Variants in ZNF669 observed in about 807,000 individuals in gnomAD.
ZNF669 encodes the protein zinc finger protein 669.
A neutral mutation model predicts 11.4 loss-of-function variants in ZNF669; 7 were observed. That is an observed-to-expected ratio of 0.62 (90% CI 0.35 to 1.16). The LOEUF (loss-of-function observed/expected upper bound fraction) is 1.16. ZNF669 is among the 50% of genes most tolerant of loss of function. The pLI is 0.02. For synonymous variants in ZNF669, 153 were observed against 155.8 expected, an observed-to-expected ratio of 0.98 and a Z score of 0.13; for missense variants, 492 against 463.6, an observed-to-expected ratio of 1.06 and a Z score of -0.56.
chr1:247,104,212 C>A lies in ZNF669; in HGVS notation c.-13G>T. The A allele has an allele frequency of 6.6e-7, 1 of 1,511,508 alleles. No homozygotes were observed. 93.6% of individuals were successfully genotyped at this position (1,511,508 alleles called of 1,614,324 possible). A position where few individuals can be genotyped will look rare whatever the true frequency, so the allele number is the denominator to read the frequency against. On this transcript the variant is annotated 5_prime_UTR_variant, in exon 1 of 4. Transcript: ENST00000448299. ...GTCCACTCACCATTCCTCGGCTTCC[C>A]GGGTGTCCTGGCGTCAGCTAGGGAT...
rs114051051 is a variant in ZNF669 at position 247,104,219 on chromosome 1, C to A, written c.-20G>T. ...CACCATTCCTCGGCTTCCCGGGTGT[C>A]CTGGCGTCAGCTAGGGATGTCCCAA... On this transcript the variant is annotated 5_prime_UTR_variant, in exon 1 of 4. Transcript: ENST00000448299. 586 of 1,510,306 alleles carry A rather than the reference C, an allele frequency of 3.9e-4. 2 individuals carry two copies. In the African/African-American group the frequency reaches 6.8e-3, roughly 17 times the overall value. 93.6% of individuals were successfully genotyped at this position (1,510,306 alleles called of 1,614,324 possible).
rs756824985 is a variant in ZNF669 at position 247,100,661 on chromosome 1, C to A, written c.850G>T (p.Ala284Ser). The change falls in exon 4 of 4, where the codon GCC becomes TCC. Residue 284 changes from alanine to serine, a missense_variant. Coordinates refer to ENST00000448299, the MANE Select transcript of ZNF669 (RefSeq NM_001142572.2). ...RPYECKQCGK[A>S]FSRLSSLCNH... is the part of the protein sequence containing the mutation. ...CAAAGGGAACTCAAACGACTAAAGGCTTTGCCACATTGTTTACACTCATAG... is the reference window on the plus strand; with the variant it reads ...CAAAGGGAACTCAAACGACTAAAGGATTTGCCACATTGTTTACACTCATAG... The A allele has an allele frequency of 1.9e-6, 3 of 1,613,964 alleles. No homozygotes were observed. The East Asian group carries it at 6.7e-5, about 36-fold the overall frequency.
rs781066372 is a variant in ZNF669, at chr1:247,100,062, G to C, written c.*312C>G. ...TGCAGTGGTGCGATCTCGGCTCACT[G>C]CAAGTTCCGCCTCCCGGGTTCATGC... On this transcript the variant is annotated 3_prime_UTR_variant, in exon 4 of 4. Transcript: ENST00000448299. 5.6e-5 allele frequency: 14 copies of C among 249,092 alleles called. No homozygotes were observed. The highest frequency in any genetic ancestry group is 2.4e-4 in the East Asian group (3 of 12,476). 15.4% of individuals were successfully genotyped at this position (249,092 alleles called of 1,614,324 possible).
chr1:247,103,984 G>C (rs1671785916), intron 1 of ZNF669: 1 of 1,603,804 alleles, frequency 6.2e-7, no homozygotes, highest in East Asian at 2.3e-5. Flanking sequence ...CCGGCCGGCG[G>C]AAGTGGCGCC....
Position 247,100,274 on chromosome 1 carries a change from G to A in ZNF669, c.*100C>T, listed in dbSNP as rs572595013. 3.2e-5 allele frequency: 25 copies of A among 775,920 alleles called. No individual in the cohort carries two copies. The highest frequency in any genetic ancestry group is 3.8e-4 in the Middle Eastern group (1 of 2,640). The allele number at this position is 775,920 out of a possible 1,614,324, so 48.1% of individuals were successfully genotyped here. On this transcript the variant is annotated 3_prime_UTR_variant, in exon 4 of 4. Coordinates refer to ENST00000448299, the MANE Select transcript of ZNF669 (RefSeq NM_001142572.2). ...GCTGGGATTACAGGCGTAAGCCACC[G>A]TGCCCGGCATTATTTTATTTTTTGT...
Position 247,100,465 on chromosome 1 carries a change from C to T in ZNF669, c.1046G>A (p.Arg349His). The T allele has an allele frequency of 6.2e-7, 1 of 1,614,156 alleles. No homozygotes were observed. Among genetic ancestry groups the T allele is most frequent in the Non-Finnish European group, 8.5e-7 (1 of 1,180,028 alleles). ...CTCTATATCATGACTTCTTTCATGG[C>T]GAGTAAGGTGACTGGAACGAGTGTA... ...KAYTRSSHLT[R>H]HERSHDIEAG... Residue 349 changes from arginine (R) to histidine (H), a missense_variant, in exon 4 of 4, where the codon CGC (arginine) becomes CAC (histidine). Coordinates refer to ENST00000448299, the MANE Select transcript of ZNF669 (RefSeq NM_001142572.2).
At position 247,100,483 on chromosome 1, in the gene ZNF669, C is replaced by A; in HGVS notation, c.1028G>T (p.Arg343Leu). 2 of 1,614,198 alleles carry A rather than the reference C, an allele frequency of 1.2e-6. No individual in the cohort carries two copies. The highest frequency in any genetic ancestry group is 2.7e-5 in the African/African-American group (2 of 75,038). The part of the protein sequence containing the change: ...ECKKCGKAYT[R>L]SSHLTRHERS... ...TTCATGGCGAGTAAGGTGACTGGAA[C>A]GAGTGTAGGCTTTACCGCATTTCTT... Residue 343 changes from arginine (R) to leucine (L), a missense_variant, in exon 4 of 4, where the codon CGT becomes CTT. Coordinates refer to ENST00000448299, the MANE Select transcript of ZNF669 (RefSeq NM_001142572.2).
At chr1:247,103,249 G>A (rs1185823068) in intron 1 of ZNF669, among the ~76,000 whole-genome samples, 1 of 152,180 alleles carries the variant, frequency 6.6e-6, no homozygotes, top group Non-Finnish European at 1.5e-5. Context: ...GCACACTTAG[G>A]AAAGATGAAG....
chr1:247,101,944 G>A (rs1671733733), intron 2 of ZNF669, 43 bp downstream of exon 2: 2 of 1,613,436 alleles, frequency 1.2e-6, no homozygotes, highest in East Asian at 2.2e-5. Flanking sequence ...CTGATGATAG[G>A]GAAAGACTTC....
At position 247,104,324 on chromosome 1, in the gene ZNF669, A is replaced by T; in HGVS notation, c.-125T>A. 3 of 1,291,494 alleles carry T rather than the reference A, an allele frequency of 2.3e-6. No individual in the cohort carries two copies. The highest frequency in any genetic ancestry group is 3.0e-6 in the Non-Finnish European group (3 of 987,314). 80.0% of individuals were successfully genotyped at this position (1,291,494 alleles called of 1,614,324 possible). On this transcript the variant is annotated 5_prime_UTR_variant, in exon 1 of 4. Coordinates refer to ENST00000448299, the MANE Select transcript of ZNF669 (RefSeq NM_001142572.2). ...GAGCCAAGAACTAGCAGCGGAGACTAACAGGAAGAGCCGGCTCCGGCGAAG... is the reference window on the plus strand; with the variant it reads ...GAGCCAAGAACTAGCAGCGGAGACTTACAGGAAGAGCCGGCTCCGGCGAAG...
chr1:247,104,062 G>A (rs764242220), intron 1 of ZNF669, 135 bp downstream of exon 1: 6 of 1,582,910 alleles, frequency 3.8e-6, no homozygotes, highest in African/African-American at 1.3e-5. Flanking sequence ...AACAGAAGAG[G>A]ACTGAGCCCC....
In ZNF669 at chr1:247,101,212, A is replaced by C; in HGVS notation, c.299T>G (p.Leu100Ter). ...LDLNENISTG[L>*]KPCECSICGK... ...ACAAATACTGCATTCACATGGTTTT[A>C]ATCCAGTAGAAATGTTCTCGTTCAG... Residue 100 changes from leucine (L) to a stop codon, truncating the protein, a stop_gained, in exon 4 of 4, where the codon TTA (leucine) becomes TGA (stop). Coordinates refer to ENST00000448299, the MANE Select transcript of ZNF669 (RefSeq NM_001142572.2). LOFTEE classifies it low-confidence loss of function (END_TRUNC). 6.2e-7 allele frequency: 1 copy of C among 1,614,050 alleles called. No homozygotes were observed. Among genetic ancestry groups the C allele is most frequent in the Non-Finnish European group, 8.5e-7 (1 of 1,180,002 alleles).
Position 247,100,592 on chromosome 1 carries a change from T to A in ZNF669, c.919A>T (p.Lys307Ter). The A allele has an allele frequency of 6.2e-7, 1 of 1,614,206 alleles. No individual in the cohort carries two copies. The highest frequency in any genetic ancestry group is 8.5e-7 in the Non-Finnish European group (1 of 1,180,014). ...CGACTGAAGGCTTGATCACATTGTTTACATTCATAGGGTTTCTCTCCGGTA... is the reference window on the plus strand; with the variant it reads ...CGACTGAAGGCTTGATCACATTGTTAACATTCATAGGGTTTCTCTCCGGTA... ...THTGEKPYEC[K>*]QCDQAFSRLS... is the part of the protein sequence containing the mutation. Residue 307 changes from lysine to a stop codon, truncating the protein, a stop_gained, in exon 4 of 4, where the codon AAA becomes TAA. Transcript: ENST00000448299. LOFTEE classifies it low-confidence loss of function (END_TRUNC).
Position 247,101,722 on chromosome 1 carries a change from G to A in ZNF669, c.191+9C>T, listed in dbSNP as rs1333398245. The A allele has an allele frequency of 1.9e-6, 3 of 1,613,066 alleles. No homozygotes were observed. Among genetic ancestry groups the A allele is most frequent in the Admixed American group, 1.7e-5 (1 of 59,926 alleles). On this transcript the variant is annotated intron_variant, in intron 3 of 3. Coordinates refer to ENST00000448299, the MANE Select transcript of ZNF669 (RefSeq NM_001142572.2). Reference sequence around the variant, plus strand: ...GAGGACTTTATTTCCTCTGCTCAGTGCAAATTACCTTATATCTTTCCCAGG... The same window carrying A: ...GAGGACTTTATTTCCTCTGCTCAGTACAAATTACCTTATATCTTTCCCAGG...
chr1:247,100,652 G>C lies in ZNF669; in HGVS notation c.859C>G (p.Arg287Gly), dbSNP rs753334778. ...ECKQCGKAFS[R>G]LSSLCNHRST... Reference sequence around the variant, plus strand: ...CTATGGTTACAAAGGGAACTCAAACGACTAAAGGCTTTGCCACATTGTTTA... The same window carrying C: ...CTATGGTTACAAAGGGAACTCAAACCACTAAAGGCTTTGCCACATTGTTTA... The change falls in exon 4 of 4, where the codon CGT becomes GGT. Residue 287 changes from arginine (R) to glycine (G), a missense_variant. Transcript: ENST00000448299. The C allele has an allele frequency of 6.2e-7, 1 of 1,613,936 alleles. No homozygotes were observed. The highest frequency in any genetic ancestry group is 8.5e-7 in the Non-Finnish European group (1 of 1,179,856).
intron 1 of ZNF669, among the ~76,000 whole-genome samples, chr1:247,103,434 G>A (rs1363324842): frequency 1.3e-5 from 2 of 151,986 alleles, no homozygotes. Context: ...AGGAGTTCGA[G>A]ACCAACCTAG....
At chr1:247,101,671 G>A in intron 3 of ZNF669, 60 bp downstream of exon 3, 1 of 1,465,308 alleles carries the variant, frequency 6.8e-7, no homozygotes, top group Non-Finnish European at 9.3e-7. Flanking sequence ...TTGTTTTTAA[G>A]TTCATGACAT....
In ZNF669 at chr1:247,104,189, C is replaced by T. The variant is rs777310166; in HGVS notation, c.3+8G>A. 1.3e-5 allele frequency: 20 copies of T among 1,525,464 alleles called. No homozygotes were observed. Among genetic ancestry groups the T allele is most frequent in the Middle Eastern group, 1.8e-4 (1 of 5,652 alleles). The allele number at this position is 1,525,464 out of a possible 1,614,324, so 94.5% of individuals were successfully genotyped here. On this transcript the variant is annotated splice_region_variant and intron_variant, in intron 1 of 3. Coordinates refer to ENST00000448299, the MANE Select transcript of ZNF669 (RefSeq NM_001142572.2). ...TCCACTTCGGGAAGCCAGGCGCAGT[C>T]CACTCACCATTCCTCGGCTTCCCGG... is the stretch of plus-strand genomic sequence containing the variant.
At chr1:247,103,241 A>G (rs1671758841) in intron 1 of ZNF669, among the ~76,000 whole-genome samples, 1 of 152,208 alleles carries the variant, frequency 6.6e-6, no homozygotes, top group Admixed American at 6.5e-5. Flanking sequence ...GGTAATATGC[A>G]CACTTAGGAA....
Sources: allele counts gnomAD v4.1 joint callset (sites outside exome capture counted in the v4.1 genomes callset), GRCh38; gene constraint gnomAD v4.1.1; transcripts MANE v1.5; gene names NCBI Gene and HGNC (gene_info 2026-07-23, HGNC 2026-07-21).